The following RNF13 variants were observed in gnomAD, a reference collection of about 807,000 sequenced individuals.
RNF13 encodes ring finger protein 13.
Under a neutral mutation model 37.7 loss-of-function variants are expected in RNF13, and 19 were observed. The observed-to-expected ratio is 0.50, with a 90% CI of 0.35 to 0.74. RNF13 has a LOEUF of 0.74. Among genes scored for constraint, RNF13 ranks in the 30% least tolerant of loss-of-function variants. The pLI, the probability that RNF13 is intolerant of heterozygous loss-of-function variation, is 0.01. For missense variants in RNF13, 375 were observed against 453.0 expected (o/e 0.83, Z 1.56); for synonymous variants, 144 against 157.8 (o/e 0.91, Z 0.65).
chr3:149,960,829 G>A lies in RNF13; in HGVS notation c.871G>A (p.Asp291Asn), dbSNP rs765095160. The change falls in exon 10 of 10, where the codon GAT becomes AAT. Residue 291 changes from aspartate (D) to asparagine (N), a missense_variant. By Grantham distance (23) the Asp-to-Asn change is conservative. Transcript: ENST00000392894. ...CKQKVVPSQG[D>N]SDSDTDSSQE... Reference sequence around the variant, plus strand: ...GCAAAAAGTTGTTCCTTCTCAAGGCGATTCAGACTCTGACACAGACAGTAG... The same window carrying A: ...GCAAAAAGTTGTTCCTTCTCAAGGCAATTCAGACTCTGACACAGACAGTAG... 3 of 1,614,138 alleles carry A rather than the reference G, an allele frequency of 1.9e-6. No homozygotes were observed. Among genetic ancestry groups the A allele is most frequent in the Non-Finnish European group, 2.5e-6 (3 of 1,180,030 alleles).
At chr3:149,845,542 T>C (rs946527596) in intron 1 of RNF13, among the ~76,000 whole-genome samples, 1 of 152,190 alleles carries the variant, frequency 6.6e-6, no homozygotes, top group African/African-American at 2.4e-5. Context: ...TGGCATTCTC[T>C]GATGTTGGTA....
Position 149,815,391 on chromosome 3 carries a change from G to T in RNF13, c.-17+2038G>T, listed in dbSNP as rs904997232. On this transcript the variant is annotated intron_variant, in intron 1 of 9. Coordinates refer to ENST00000392894, the MANE Select transcript of RNF13 (RefSeq NM_183381.3). ...ATGTAGGTGTGACCTAGAAATGGTT[G>T]GCATTTAAATAACAATATTTTTAAA... is the stretch of plus-strand genomic sequence containing the variant. Among the ~76,000 whole-genome samples, 15 of 152,158 alleles carry T rather than the reference G, an allele frequency of 9.9e-5. 1 individual carries two copies. Among genetic ancestry groups the T allele is most frequent in the Admixed American group, 9.8e-4 (15 of 15,270 alleles).
chr3:149,886,549 C>T (rs929455574), intron 4 of RNF13, among the ~76,000 whole-genome samples: 1 of 152,064 alleles, frequency 6.6e-6, no homozygotes, highest in Non-Finnish European at 1.5e-5. Context: ...TTTGCACATA[C>T]ATATAGTTTT....
chr3:149,866,478 A>G (rs1256484937), intron 3 of RNF13, among the ~76,000 whole-genome samples: 1 of 152,218 alleles, frequency 6.6e-6, no homozygotes, highest in African/African-American at 2.4e-5. Context: ...GGTGGATTTT[A>G]GCTGACTTCT....
intron 2 of RNF13, among the ~76,000 whole-genome samples, chr3:149,847,098 G>A (rs1328010726): frequency 6.6e-6 from 1 of 152,114 alleles, no homozygotes; most frequent in African/African-American, 2.4e-5. Flanking sequence ...CATTCAGTAC[G>A]CACCTCAACT....
At chr3:149,934,769 A>T (rs1412952783) in intron 8 of RNF13, among the ~76,000 whole-genome samples, 1 of 151,774 alleles carries the variant, frequency 6.6e-6, no homozygotes, top group Non-Finnish European at 1.5e-5. Flanking sequence ...GAGTACAGGC[A>T]TGCACTACTA....
At chr3:149,842,308 T>A (rs1311256867) in intron 1 of RNF13, among the ~76,000 whole-genome samples, 1 of 152,202 alleles carries the variant, frequency 6.6e-6, no homozygotes, top group Non-Finnish European at 1.5e-5. Flanking sequence ...CAAATTGTAC[T>A]TACTTTCTCA....
At chr3:149,951,629 G>A (rs1256890461) in intron 8 of RNF13, among the ~76,000 whole-genome samples, 1 of 152,088 alleles carries the variant, frequency 6.6e-6, no homozygotes, top group African/African-American at 2.4e-5. Context: ...TACCAAATGG[G>A]TTATTTAGAA....
At chr3:149,878,982 T>C (rs1394317827) in intron 4 of RNF13, among the ~76,000 whole-genome samples, 3 of 152,194 alleles carry the variant, frequency 2.0e-5, no homozygotes, top group Non-Finnish European at 4.4e-5. Flanking sequence ...AGGGAATCTT[T>C]AGAAGGTAGA....
chr3:149,848,269 CA>C (rs2108380603), intron 2 of RNF13, among the ~76,000 whole-genome samples: 1 of 152,184 alleles, frequency 6.6e-6, no homozygotes, highest in Non-Finnish European at 1.5e-5. Context: ...GTGCTTTACA[CA>C]GGTACTTGTG....
At chr3:149,913,828 CATCCCTTGGTTAA>C (rs1717227890) in intron 7 of RNF13, among the ~76,000 whole-genome samples, 1 of 152,196 alleles carries the variant, frequency 6.6e-6, no homozygotes, top group Admixed American at 6.5e-5. Flanking sequence ...TGCTAACCTT[CATCCCTTGGTTAA>C]GGTAGTGTTT....
At chr3:149,909,032 A>C (rs1716708937) in intron 6 of RNF13, among the ~76,000 whole-genome samples, 2 of 152,186 alleles carry the variant, frequency 1.3e-5, no homozygotes, top group African/African-American at 4.8e-5. Flanking sequence ...TTACCTGTTT[A>C]AATACCTTCT....
At chr3:149,815,657 A>G (rs1719366344) in intron 1 of RNF13, among the ~76,000 whole-genome samples, 1 of 152,242 alleles carries the variant, frequency 6.6e-6, no homozygotes, top group African/African-American at 2.4e-5. Context: ...ATAGATATTT[A>G]TTGAGCATAT....
chr3:149,909,702 A>T (rs1156766303), intron 6 of RNF13, among the ~76,000 whole-genome samples: 1 of 152,142 alleles, frequency 6.6e-6, no homozygotes, highest in East Asian at 1.9e-4. Flanking sequence ...TTAGATTTAG[A>T]ACCCGGGCGT....
At chr3:149,856,815 C>T (rs760100661) in intron 3 of RNF13, among the ~76,000 whole-genome samples, 8 of 152,100 alleles carry the variant, frequency 5.3e-5, no homozygotes, top group South Asian at 4.1e-4. Flanking sequence ...GGTGTGATCC[C>T]GGCTCACTGC....
chr3:149,867,347 G>C (rs1245166955), intron 3 of RNF13, among the ~76,000 whole-genome samples: 1,904 of 150,572 alleles, frequency 0.013, 17 homozygotes, highest in Non-Finnish European at 0.02. Context: ...CTCACTGCAA[G>C]CTCCGCCTCC....
chr3:149,952,588 C>T (rs1458113396), intron 8 of RNF13, among the ~76,000 whole-genome samples: 3 of 151,724 alleles, frequency 2.0e-5, no homozygotes, highest in Non-Finnish European at 4.4e-5. Flanking sequence ...ACCTTCTGTA[C>T]TTAGTAAAAG....
At chr3:149,879,992 T>C (rs1713197224) in intron 4 of RNF13, among the ~76,000 whole-genome samples, 1 of 152,252 alleles carries the variant, frequency 6.6e-6, no homozygotes, top group Non-Finnish European at 1.5e-5. Context: ...TGCAGTTCTG[T>C]GTACTGAGCT....
chr3:149,885,137 C>T (rs899045682), intron 4 of RNF13, among the ~76,000 whole-genome samples: 6 of 152,260 alleles, frequency 3.9e-5, no homozygotes, highest in African/African-American at 9.6e-5. Flanking sequence ...TGTGGATGGA[C>T]ACTTAGGTTG....
Sources: allele counts gnomAD v4.1 joint callset (sites outside exome capture counted in the v4.1 genomes callset), GRCh38; gene constraint gnomAD v4.1.1; transcripts MANE v1.5; gene names NCBI Gene and HGNC (gene_info 2026-07-23, HGNC 2026-07-21).